LNX1: variants seen among roughly 807,000 people sequenced by gnomAD.
The protein encoded by LNX1 is E3 ubiquitin-protein ligase LNX.
A neutral mutation model predicts 68.4 loss-of-function variants in LNX1; 54 were observed. That is an observed-to-expected ratio of 0.79 (90% CI 0.63 to 0.99). The LOEUF is 0.99. Ranked by LOEUF, LNX1 falls within the 50% of genes least tolerant of loss-of-function variation. The pLI is 0.00. For synonymous variants in LNX1, 336 were observed against 350.0 expected, an observed-to-expected ratio of 0.96 and a Z score of 0.45; for missense variants, 906 against 926.4, an observed-to-expected ratio of 0.98 and a Z score of 0.29.
chr4:53,647,686 T>C (rs1734938913), intron 1 of LNX1, among the ~76,000 whole-genome samples: 1 of 152,202 alleles, frequency 6.6e-6, no homozygotes, highest in South Asian at 2.1e-4. Flanking sequence ...GCATTCACAT[T>C]GTTGCATAAC....
chr4:53,570,817 G>T (rs998060771), intron 2 of LNX1, among the ~76,000 whole-genome samples: 4 of 151,252 alleles, frequency 2.6e-5, no homozygotes, highest in African/African-American at 9.7e-5. Flanking sequence ...CACGAGGTCA[G>T]GAGATCGAGA....
At chr4:53,510,276 T>C (rs984301816) in intron 2 of LNX1, among the ~76,000 whole-genome samples, 3 of 152,212 alleles carry the variant, frequency 2.0e-5, no homozygotes, top group Non-Finnish European at 4.4e-5. Context: ...CTTTGGTGTT[T>C]GGGGATTATT....
chr4:53,513,483 T>C (rs1037375271), intron 2 of LNX1, among the ~76,000 whole-genome samples: 6 of 152,130 alleles, frequency 3.9e-5, no homozygotes, highest in Non-Finnish European at 8.8e-5. Context: ...GCCCATTCCA[T>C]GTCATCACTT....
At chr4:53,515,287 A>G (rs1270857102) in intron 2 of LNX1, among the ~76,000 whole-genome samples, 2 of 152,246 alleles carry the variant, frequency 1.3e-5, no homozygotes, top group Non-Finnish European at 2.9e-5. Flanking sequence ...AGTTGTGGCC[A>G]CAGAGCTATA....
chr4:53,537,148 CG>C (rs1487454492), intron 2 of LNX1, among the ~76,000 whole-genome samples: 2 of 151,974 alleles, frequency 1.3e-5, no homozygotes, highest in Non-Finnish European at 2.9e-5. Context: ...GTTAATTTGC[CG>C]TAAGACATAT....
At chr4:53,519,115 T>C (rs770575097) in intron 2 of LNX1, among the ~76,000 whole-genome samples, 2 of 152,196 alleles carry the variant, frequency 1.3e-5, no homozygotes, top group Non-Finnish European at 2.9e-5. Context: ...CCAGGCTGGC[T>C]GTCTCACTGC....
intron 9 of LNX1, among the ~76,000 whole-genome samples, chr4:53,471,757 C>G (rs536523992): frequency 6.6e-6 from 1 of 152,276 alleles, no homozygotes; most frequent in Admixed American, 6.5e-5. Flanking sequence ...CACTGGCCAT[C>G]AGAGAAATGC....
intron 1 of LNX1, among the ~76,000 whole-genome samples, chr4:53,627,715 C>T (rs1322634479): frequency 6.6e-6 from 1 of 152,184 alleles, no homozygotes; most frequent in Non-Finnish European, 1.5e-5. Flanking sequence ...AGGATGGATG[C>T]CATATCTGTT....
intron 1 of LNX1, among the ~76,000 whole-genome samples, chr4:53,584,210 T>C (rs1471582801): frequency 6.6e-6 from 1 of 152,152 alleles, no homozygotes; most frequent in Admixed American, 6.5e-5. Flanking sequence ...AAGGACAAGA[T>C]GAGGAAAGAT....
At position 53,460,804 on chromosome 4, in the gene LNX1, A is replaced by G; in HGVS notation, c.*103T>C. ...TCATACTTTTCCTGACATTTTTACA[A>G]TGTATTCTTTCTTTAAATATAAAAA... On this transcript the variant is annotated 3_prime_UTR_variant, in exon 11 of 11. Coordinates refer to ENST00000263925, the MANE Select transcript of LNX1 (RefSeq NM_001126328.3). 2 of 1,152,456 alleles carry G rather than the reference A, an allele frequency of 1.7e-6. No individual in the cohort carries two copies. The highest frequency in any genetic ancestry group is 2.5e-6 in the Non-Finnish European group (2 of 808,322). The allele number at this position is 1,152,456 out of a possible 1,614,324, so 71.4% of individuals were successfully genotyped here.
chr4:53,515,350 G>A (rs1180052418), intron 2 of LNX1, among the ~76,000 whole-genome samples: 4 of 152,160 alleles, frequency 2.6e-5, no homozygotes, highest in African/African-American at 7.2e-5. Context: ...TTGGTATTCC[G>A]TTGATTGAAA....
intron 1 of LNX1, among the ~76,000 whole-genome samples, chr4:53,583,832 G>C (rs1214842749): frequency 6.6e-6 from 1 of 152,086 alleles, no homozygotes; most frequent in Non-Finnish European, 1.5e-5. Context: ...CTTTCCCCTG[G>C]GGTGCCATAC....
At chr4:53,564,200 G>T (rs1454277447) in intron 2 of LNX1, among the ~76,000 whole-genome samples, 2 of 152,204 alleles carry the variant, frequency 1.3e-5, no homozygotes, top group Non-Finnish European at 2.9e-5. Flanking sequence ...CTTCCTTGAG[G>T]TGTGTGGGGG....
chr4:53,584,669 T>A (rs1253030534), intron 1 of LNX1, among the ~76,000 whole-genome samples: 2 of 152,192 alleles, frequency 1.3e-5, no homozygotes, highest in East Asian at 3.8e-4. Flanking sequence ...TATGACGACC[T>A]CTATGTGAGG....
At chr4:53,517,779 G>GC (rs1163612458) in intron 2 of LNX1, among the ~76,000 whole-genome samples, 1 of 137,454 alleles carries the variant, frequency 7.3e-6, no homozygotes, top group East Asian at 2.4e-4. Context: ...AACTGCACAT[G>GC]GAAAAAAGTT....
Position 53,517,337 on chromosome 4 carries a change from G to A in LNX1, c.381-9110C>T, listed in dbSNP as rs558748777. On this transcript the variant is annotated intron_variant, in intron 2 of 10. Coordinates refer to ENST00000263925, the MANE Select transcript of LNX1 (RefSeq NM_001126328.3). ...TATTTCATGACTCCTTTAGTGAAAA[G>A]CACTAGAAATCTTTATTGTGTGAGA... 3.5e-4 allele frequency among the ~76,000 whole-genome samples: 54 copies of A among 152,188 alleles called. 1 individual carries two copies. The highest frequency in any genetic ancestry group is 1.2e-3 in the African/African-American group (50 of 41,530).
chr4:53,596,095 T>A (rs1732739950), upstream of LNX1, among the ~76,000 whole-genome samples: 1 of 152,242 alleles, frequency 6.6e-6, no homozygotes, highest in Admixed American at 6.5e-5. Context: ...TATCTTTTAT[T>A]GGCTAATTAT....
intron 2 of LNX1, among the ~76,000 whole-genome samples, chr4:53,532,914 T>C (rs894934143): frequency 8.5e-5 from 13 of 152,184 alleles, no homozygotes; most frequent in African/African-American, 2.9e-4. Context: ...TTTCCTCCTC[T>C]GGGAGCCTGC....
rs189688218 is a variant in LNX1 at position 53,472,385 on chromosome 4, C to T, written c.1892+4368G>A. Among the ~76,000 whole-genome samples the T allele has an allele frequency of 7.9e-3, 1,207 of 151,860 alleles. 16 individuals are homozygous for T. The highest frequency in any genetic ancestry group is 0.028 in the African/African-American group (1,140 of 41,402). On this transcript the variant is annotated intron_variant, in intron 9 of 10. Coordinates refer to ENST00000263925, the MANE Select transcript of LNX1 (RefSeq NM_001126328.3). ...ATAGCATTAGGAGATATACCTAATG[C>T]TAAATGACGAGTTAATGGGTGCAGC...
Sources: allele counts gnomAD v4.1 joint callset (sites outside exome capture counted in the v4.1 genomes callset), GRCh38; gene constraint gnomAD v4.1.1; transcripts MANE v1.5; gene names NCBI Gene and HGNC (gene_info 2026-07-23, HGNC 2026-07-21).